The following IL1RL1 variants were observed in gnomAD, a reference collection of about 807,000 sequenced individuals.
The protein encoded by IL1RL1 is interleukin-1 receptor-like 1.
In IL1RL1, 32 loss-of-function variants were observed where a neutral mutation model predicts 50.9. The observed-to-expected ratio is 0.63, with a 90% confidence interval of 0.47 to 0.84. The LOEUF is 0.84. Ranked by LOEUF, IL1RL1 falls within the 40% of genes least tolerant of loss-of-function variation. The pLI is 0.00. For missense variants in IL1RL1, 773 were observed against 662.9 expected (o/e 1.17, Z -1.82); for synonymous variants, 275 against 236.0 (o/e 1.17, Z -1.51).
chr2:102,311,940 A>AATATTATATATAATAT (rs1426786002), intron 1 of IL1RL1, among the ~76,000 whole-genome samples: 1 of 35,450 alleles, frequency 2.8e-5, no homozygotes, highest in Non-Finnish European at 4.8e-5. Context: ...TATTATATAT[A>AATATTATATATAATAT]ATATTATATA....
Position 102,349,209 on chromosome 2 carries a change from C to T in IL1RL1, c.1248C>T (p.Thr416=). Residue 416 remains threonine, a synonymous_variant, in exon 10 of 11, where the codon ACC becomes ACT. Transcript: ENST00000233954. The part of the protein sequence containing the change: ...PDVLENKCGY[T]LCIYGRDMLP... ...TTCTTGAAAATAAATGTGGCTATAC[C>T]TTATGCATTTATGGGAGAGATATGC... The T allele has an allele frequency of 1.2e-6, 2 of 1,613,824 alleles. No homozygotes were observed. Among genetic ancestry groups the T allele is most frequent in the East Asian group, 2.2e-5 (1 of 44,868 alleles).
intron 6 of IL1RL1, among the ~76,000 whole-genome samples, chr2:102,342,695 G>A (rs556178561): frequency 6.6e-6 from 1 of 152,316 alleles, no homozygotes; most frequent in East Asian, 1.9e-4. Context: ...GAAGAGGGCA[G>A]TTGGAAAGAA....
intron 1 of IL1RL1, among the ~76,000 whole-genome samples, chr2:102,327,708 C>T (rs1325016068): frequency 6.6e-6 from 1 of 152,206 alleles, no homozygotes; most frequent in Non-Finnish European, 1.5e-5. Context: ...AAACTACCAT[C>T]AGAGAATACT....
In IL1RL1 at chr2:102,340,649, G is replaced by A; in HGVS notation, c.448-17G>A. ...AGTGAAGAATTACTGAGAAGGAAAT[G>A]GAATTTCTTATTTCAGAATTGTCAG... is the stretch of plus-strand genomic sequence containing the variant. On this transcript the variant is annotated splice_polypyrimidine_tract_variant and intron_variant, in intron 4 of 10. Coordinates refer to ENST00000233954, the MANE Select transcript of IL1RL1 (RefSeq NM_016232.5). 1 of 1,576,324 alleles carries A rather than the reference G, an allele frequency of 6.3e-7. No individual in the cohort carries two copies. The highest frequency in any genetic ancestry group is 1.7e-4 in the Middle Eastern group (1 of 5,952).
intron 1 of IL1RL1, among the ~76,000 whole-genome samples, chr2:102,313,821 G>T (rs996467604): frequency 6.6e-6 from 1 of 152,342 alleles, no homozygotes; most frequent in African/African-American, 2.4e-5. Context: ...GCATGTGTGT[G>T]TGCACGAGTG....
At chr2:102,321,093 C>G (rs933920878) in intron 1 of IL1RL1, among the ~76,000 whole-genome samples, 1 of 152,242 alleles carries the variant, frequency 6.6e-6, no homozygotes, top group African/African-American at 2.4e-5. Flanking sequence ...GCCTCCATGG[C>G]TGGACTTTCA....
At chr2:102,312,030 A>G (rs1217083418) in intron 1 of IL1RL1, among the ~76,000 whole-genome samples, 5 of 49,348 alleles carry the variant, frequency 1.0e-4, no homozygotes, top group Non-Finnish European at 1.5e-4. Context: ...AATATATATT[A>G]TATATTAAAT....
rs1373506377 is a variant in IL1RL1 at position 102,351,859 on chromosome 2, G to A, written c.1609G>A (p.Val537Met). Residue 537 changes from valine to methionine, a missense_variant, in exon 11 of 11, where the codon GTG becomes ATG. Coordinates refer to ENST00000233954, the MANE Select transcript of IL1RL1 (RefSeq NM_016232.5). ...FWKHVRYQMPVPSKIPRKASS... is the reference protein window; with the variant it reads ...FWKHVRYQMPMPSKIPRKASS... ...GAAGCACGTGAGGTACCAAATGCCT[G>A]TGCCAAGCAAAATTCCCAGAAAGGC... The A allele has an allele frequency of 6.2e-7, 1 of 1,613,918 alleles. No homozygotes were observed. The highest frequency in any genetic ancestry group is 1.1e-5 in the South Asian group (1 of 91,076).
chr2:102,313,282 G>A (rs1240714061), intron 1 of IL1RL1: 1 of 152,128 alleles, frequency 6.6e-6, no homozygotes, highest in African/African-American at 2.4e-5. Context: ...ACTTAATGAT[G>A]TCAGACCTCA....
chr2:102,321,659 G>C (rs1464435062), intron 1 of IL1RL1, among the ~76,000 whole-genome samples: 1 of 152,132 alleles, frequency 6.6e-6, no homozygotes, highest in Non-Finnish European at 1.5e-5. Flanking sequence ...GAAGCACAGT[G>C]GTGGTGGATG....
intron 1 of IL1RL1, among the ~76,000 whole-genome samples, chr2:102,313,662 G>A (rs1171501859): frequency 6.6e-6 from 1 of 152,190 alleles, no homozygotes; most frequent in Admixed American, 6.5e-5. Flanking sequence ...GAGTGCAGAG[G>A]CAGACAACTG....
chr2:102,319,799 T>C (rs1332660147), intron 1 of IL1RL1, among the ~76,000 whole-genome samples: 1 of 152,154 alleles, frequency 6.6e-6, no homozygotes, highest in Non-Finnish European at 1.5e-5. Context: ...AGCGATCCTC[T>C]TGCCTCAGCC....
At chr2:102,318,435 A>G (rs1676742212) in intron 1 of IL1RL1, among the ~76,000 whole-genome samples, 1 of 148,308 alleles carries the variant, frequency 6.7e-6, no homozygotes, top group Non-Finnish European at 1.5e-5. Context: ...GATGAGAATG[A>G]TGGTTGGAAG....
At chr2:102,341,485 T>C (rs771020881) in intron 5 of IL1RL1, 4 of 321,086 alleles carry the variant, frequency 1.2e-5, no homozygotes, top group African/African-American at 2.3e-5. Flanking sequence ...TTAGCACAAG[T>C]CGATCTACAG....
At chr2:102,334,362 A>C (rs13019081) in intron 1 of IL1RL1, among the ~76,000 whole-genome samples, 46,394 of 151,698 alleles carry the variant, frequency 0.31, 7,827 homozygotes, top group Middle Eastern at 0.52. Flanking sequence ...GAGTGGGCCT[A>C]GAGTTTGGAG....
intron 1 of IL1RL1, among the ~76,000 whole-genome samples, chr2:102,328,510 A>G (rs1300784766): frequency 1.3e-5 from 2 of 152,192 alleles, no homozygotes; most frequent in Non-Finnish European, 2.9e-5. Flanking sequence ...GGCCAGGGCA[A>G]TCAGGCAGGA....
rs1285458586 is a variant in IL1RL1 at position 102,338,219 on chromosome 2, A to G, written c.-46A>G. ...GTATGCCAGTGACTCATCTGGAGTA[A>G]TCTCAACAACGAGTTACCAATACTT... On this transcript the variant is annotated 5_prime_UTR_variant, in exon 2 of 11. It removes the in-frame stop codon of an upstream open reading frame in the 5' UTR. Transcript: ENST00000233954. 1.5e-6 allele frequency: 2 copies of G among 1,347,904 alleles called. No homozygotes were observed. The highest frequency in any genetic ancestry group is 2.1e-6 in the Non-Finnish European group (2 of 942,330). The allele number at this position is 1,347,904 out of a possible 1,614,324, so 83.5% of individuals were successfully genotyped here.
intron 9 of IL1RL1, among the ~76,000 whole-genome samples, chr2:102,348,442 C>G (rs1363751912): frequency 6.6e-6 from 1 of 152,080 alleles, no homozygotes; most frequent in Non-Finnish European, 1.5e-5. Flanking sequence ...CAAAATTGTT[C>G]CTGTTTTCCA....
At chr2:102,341,648 C>A (rs925777663) in intron 5 of IL1RL1, among the ~76,000 whole-genome samples, 2 of 152,136 alleles carry the variant, frequency 1.3e-5, no homozygotes, top group Non-Finnish European at 1.5e-5. Context: ...TTAATATCAA[C>A]CCTTACAGTG....
Sources: allele counts gnomAD v4.1 joint callset (sites outside exome capture counted in the v4.1 genomes callset), GRCh38; gene constraint gnomAD v4.1.1; transcripts MANE v1.5; gene names NCBI Gene and HGNC (gene_info 2026-07-23, HGNC 2026-07-21).